Variants in CHAF1B observed in about 807,000 individuals in gnomAD.
The protein encoded by CHAF1B is CAF-1 subunit B.
A neutral mutation model predicts 60.7 loss-of-function variants in CHAF1B; 10 were observed. The ratio of observed to expected loss-of-function variants is 0.16; its 90% CI spans 0.10 to 0.28. The LOEUF (loss-of-function observed/expected upper bound fraction) is 0.28, where lower values mean the gene tolerates loss of function less well. Among genes scored for constraint, CHAF1B ranks in the 10% least tolerant of loss-of-function variants. CHAF1B has a pLI of 1.00. For missense variants in CHAF1B, 558 were observed against 708.4 expected (o/e 0.79, Z 2.41); for synonymous variants, 261 against 266.1 (o/e 0.98, Z 0.19).
chr21:36,415,057 G>A (rs150601499), intron 12 of CHAF1B, among the ~76,000 whole-genome samples: 69 of 152,284 alleles, frequency 4.5e-4, no homozygotes, highest in African/African-American at 1.5e-3. Context: ...GAAACTTTTC[G>A]ATGACTGGTT....
Position 36,417,508 on chromosome 21 carries a change from T to A in CHAF1B, c.*1142T>A, listed in dbSNP as rs1457779260. On this transcript the variant is annotated 3_prime_UTR_variant, in exon 14 of 14. Transcript: ENST00000314103. ...CCACATCCGGCTAATTTTTATATTT[T>A]TAGTAGAGATGGGGTTTTGCCATGT... 6.6e-6 allele frequency: 1 copy of A among 151,992 alleles called. No individual in the cohort carries two copies. The highest frequency in any genetic ancestry group is 1.5e-5 in the Non-Finnish European group (1 of 68,040). 9.4% of individuals were successfully genotyped at this position (151,992 alleles called of 1,614,324 possible). A position where few individuals can be genotyped will look rare whatever the true frequency, so the allele number is the denominator to read the frequency against.
At chr21:36,394,730 C>CTTTTT in intron 5 of CHAF1B, 80 bp downstream of exon 5, 8 of 538,890 alleles carry the variant, frequency 1.5e-5, no homozygotes, top group Admixed American at 3.7e-5. Context: ...CTTGCTTTAA[C>CTTTTT]TTTTTTTTTT....
chr21:36,389,796 T>TGCGCGCGCGCGCGCGC (rs1263503885), intron 3 of CHAF1B, among the ~76,000 whole-genome samples: 5 of 109,656 alleles, frequency 4.6e-5, no homozygotes, highest in African/African-American at 2.5e-4. Context: ...TGTGTGTGTG[T>TGCGCGCGCGCGCGCGC]GTGTGCGCGC....
chr21:36,416,132 C>T, intron 13 of CHAF1B, 143 bp from the exon 14 acceptor site: 1 of 687,248 alleles, frequency 1.5e-6, no homozygotes, highest in Non-Finnish European at 2.4e-6. Flanking sequence ...TTGAGAGCCA[C>T]TCTATAGAAC....
chr21:36,402,784 C>T lies in CHAF1B; in HGVS notation c.690C>T (p.Asp230=), dbSNP rs373907249. The stretch of plus-strand genomic sequence containing the variant: ...CAAGAAGCTACCGGATGTTTCACGA[C>T]GACAGCATGAAGTCTTTCTTCCGTA... The part of the protein sequence containing the change: ...GEARSYRMFH[D]DSMKSFFRRL... The change falls in exon 8 of 14, where the codon GAC becomes GAT. Residue 230 remains aspartate (D), a synonymous_variant. Coordinates refer to ENST00000314103, the MANE Select transcript of CHAF1B (RefSeq NM_005441.3). The T allele has an allele frequency of 3.0e-5, 48 of 1,613,756 alleles. 1 individual carries two copies. The highest frequency in any genetic ancestry group is 1.6e-4 in the South Asian group (15 of 91,054).
intron 6 of CHAF1B, 197 bp downstream of exon 6, chr21:36,397,708 A>T (rs1601560938): frequency 3.4e-6 from 1 of 294,508 alleles, no homozygotes; most frequent in Non-Finnish European, 6.2e-6. Flanking sequence ...CGAAGTTTGT[A>T]CTTAGTAAAT....
chr21:36,415,712 C>A, intron 13 of CHAF1B: 1 of 446,560 alleles, frequency 2.2e-6, no homozygotes, highest in Non-Finnish European at 4.1e-6. Context: ...CGATGTTTAA[C>A]AGCATCCCCG....
At position 36,416,423 on chromosome 21, in the gene CHAF1B, G is replaced by A; in HGVS notation, c.*57G>A. ...GGCTCCCGGTGTGTGCAGGGAGACG[G>A]TAAAGCTGGAGGTGCCTGAGACCAG... On this transcript the variant is annotated 3_prime_UTR_variant, in exon 14 of 14. Coordinates refer to ENST00000314103, the MANE Select transcript of CHAF1B (RefSeq NM_005441.3). The A allele has an allele frequency of 6.9e-7, 1 of 1,458,836 alleles. No individual in the cohort carries two copies. Among genetic ancestry groups the A allele is most frequent in the Non-Finnish European group, 9.4e-7 (1 of 1,059,034 alleles). The allele number at this position is 1,458,836 out of a possible 1,614,324, so 90.4% of individuals were successfully genotyped here. A position where few individuals can be genotyped will look rare whatever the true frequency, so the allele number is the denominator to read the frequency against.
Position 36,412,869 on chromosome 21 carries a change from G to C in CHAF1B, c.1062-15G>C. ...TTGGTAAGGTCTGTAACTTTTCCCT[G>C]TTTTGGGGACGAAGGTCCAGCGATG... On this transcript the variant is annotated splice_polypyrimidine_tract_variant and intron_variant, in intron 11 of 13. Transcript: ENST00000314103. 6.2e-7 allele frequency: 1 copy of C among 1,605,016 alleles called. No individual in the cohort carries two copies. Among genetic ancestry groups the C allele is most frequent in the Non-Finnish European group, 8.5e-7 (1 of 1,175,518 alleles).
chr21:36,408,110 T>C (rs1188419337), intron 8 of CHAF1B, among the ~76,000 whole-genome samples: 3 of 152,182 alleles, frequency 2.0e-5, no homozygotes, highest in Non-Finnish European at 2.9e-5. Flanking sequence ...TGTATATGTA[T>C]CAAGAAATAG....
intron 5 of CHAF1B, among the ~76,000 whole-genome samples, chr21:36,396,358 C>CAAAAAAAAAAAAAA (rs777079304): frequency 2.7e-4 from 14 of 52,828 alleles, no homozygotes; most frequent in South Asian, 1.1e-3. Flanking sequence ...CCAAAAACCT[C>CAAAAAAAAAAAAAA]AAAAAAAAAA....
At position 36,386,268 on chromosome 21, in the gene CHAF1B, C is replaced by T. The variant is rs1287063361; in HGVS notation, c.126+6C>T. 1 of 1,613,628 alleles carries T rather than the reference C, an allele frequency of 6.2e-7. No individual in the cohort carries two copies. Among genetic ancestry groups the T allele is most frequent in the South Asian group, 1.1e-5 (1 of 91,018 alleles). ...GCGTGGACACCAATGTCAGGGTAAACTGGGGCAGAGATAGACATCCGGGAA... is the reference window on the plus strand; with the variant it reads ...GCGTGGACACCAATGTCAGGGTAAATTGGGGCAGAGATAGACATCCGGGAA... On this transcript the variant is annotated splice_donor_region_variant and intron_variant, in intron 2 of 13. Coordinates refer to ENST00000314103, the MANE Select transcript of CHAF1B (RefSeq NM_005441.3).
rs1455637057 is a variant in CHAF1B at position 36,413,710 on chromosome 21, T to C, written c.1493+395T>C. On this transcript the variant is annotated intron_variant, in intron 12 of 13. Transcript: ENST00000314103. ...TCTCTGGGGAAGCCCTGGACACCTC[T>C]TCCTCTTGGTGATGCCAGGAGTCTC... Among the ~76,000 whole-genome samples the C allele has an allele frequency of 3.3e-5, 5 of 152,208 alleles. No homozygotes were observed. In the East Asian group the frequency reaches 9.6e-4, roughly 29 times the overall value.
chr21:36,403,126 G>A (rs2146369704), intron 8 of CHAF1B, among the ~76,000 whole-genome samples: 1 of 152,202 alleles, frequency 6.6e-6, no homozygotes, highest in African/African-American at 2.4e-5. Context: ...AAGTTTGGGA[G>A]TAATGAGTTT....
intron 9 of CHAF1B, 55 bp from the exon 10 acceptor site, chr21:36,409,319 T>G: frequency 7.0e-7 from 1 of 1,422,372 alleles, no homozygotes; most frequent in Non-Finnish European, 9.9e-7. Flanking sequence ...TACCTTTTAT[T>G]TTTGCTTTTG....
At chr21:36,392,511 C>T (rs924725333) in intron 4 of CHAF1B, among the ~76,000 whole-genome samples, 7 of 149,078 alleles carry the variant, frequency 4.7e-5, no homozygotes, top group South Asian at 4.2e-4. Flanking sequence ...CGGGCAGAGG[C>T]GCCCCCCACC....
In CHAF1B at chr21:36,401,885, C is replaced by A. The variant is rs930430076; in HGVS notation, c.664-873C>A. 2.0e-5 allele frequency among the ~76,000 whole-genome samples: 3 copies of A among 151,518 alleles called. No homozygotes were observed. In the Admixed American group the frequency reaches 2.0e-4, roughly 10 times the overall value. On this transcript the variant is annotated intron_variant, in intron 7 of 13. Coordinates refer to ENST00000314103, the MANE Select transcript of CHAF1B (RefSeq NM_005441.3). ...CCTCCCGAGAAGCTGGGATTACAGG[C>A]GTGTGCCACCACACTTAGATAATTT...
intron 5 of CHAF1B, among the ~76,000 whole-genome samples, chr21:36,395,201 C>T (rs759589101): frequency 1.3e-5 from 2 of 151,962 alleles, no homozygotes; most frequent in Non-Finnish European, 2.9e-5. Context: ...AGGTGTCTGC[C>T]ACCACACCTG....
intron 1 of CHAF1B, among the ~76,000 whole-genome samples, chr21:36,385,757 G>A (rs1020363017): frequency 6.6e-6 from 1 of 151,974 alleles, no homozygotes; most frequent in Admixed American, 6.5e-5. Context: ...GCCCCTCCCC[G>A]GGCTCTCAGG....
Sources: allele counts gnomAD v4.1 joint callset (sites outside exome capture counted in the v4.1 genomes callset), GRCh38; gene constraint gnomAD v4.1.1; transcripts MANE v1.5; gene names NCBI Gene and HGNC (gene_info 2026-07-23, HGNC 2026-07-21).